Variants in INO80C observed in about 807,000 individuals in gnomAD.
INO80C encodes the protein IES6 homolog.
A neutral mutation model predicts 17.7 loss-of-function variants in INO80C; 17 were observed. That is an observed-to-expected ratio of 0.96 (90% CI 0.66 to 1.44). The LOEUF (loss-of-function observed/expected upper bound fraction) is 1.44, where lower values mean the gene tolerates loss of function less well. Among genes scored for constraint, INO80C ranks in the 40% most tolerant of loss-of-function variants. The pLI is 0.00. For missense variants in INO80C, 244 were observed against 245.0 expected (o/e 1.00, Z 0.03); for synonymous variants, 96 against 95.8 (o/e 1.00, Z -0.01).
chr18:35,497,820 T>G lies in INO80C; in HGVS notation c.55A>C (p.Asn19His). ...ATTSTPGIVRNSKKRPASPSH... is the reference protein window; with the variant it reads ...ATTSTPGIVRHSKKRPASPSH... ...GGGCTGGCCGGCCTCTTCTTGCTGT[T>G]CCGGACTATTCCGGGAGTGGAAGTG... is the stretch of plus-strand genomic sequence containing the variant. The change falls in exon 1 of 5, where the codon AAC becomes CAC. Residue 19 changes from asparagine (N) to histidine (H), a missense_variant. Asn to His is a moderately conservative substitution (Grantham distance 68). Transcript: ENST00000334598. 2 of 1,610,470 alleles carry G rather than the reference T, an allele frequency of 1.2e-6. No homozygotes were observed. Among genetic ancestry groups the G allele is most frequent in the Non-Finnish European group, 1.7e-6 (2 of 1,178,122 alleles).
intron 4 of INO80C, among the ~76,000 whole-genome samples, chr18:35,476,865 C>T (rs2045743387): frequency 6.6e-6 from 1 of 152,016 alleles, no homozygotes. Flanking sequence ...GACTCTACCT[C>T]CAAAAGAAAA....
intron 1 of INO80C, among the ~76,000 whole-genome samples, chr18:35,483,105 AT>A (rs1488883688): frequency 2.6e-5 from 4 of 152,204 alleles, no homozygotes; most frequent in African/African-American, 9.6e-5. Context: ...ATTTTCATTT[AT>A]GCTGTACTAA....
chr18:35,497,305 C>T, intron 1 of INO80C: 1 of 980,496 alleles, frequency 1.0e-6, no homozygotes, highest in Non-Finnish European at 1.2e-6. Context: ...CTTATCAATA[C>T]ATCTTGTATT....
intron 3 of INO80C, 104 bp from the exon 4 acceptor site, chr18:35,478,453 C>T: frequency 1.1e-6 from 1 of 918,306 alleles, no homozygotes; most frequent in Middle Eastern, 3.4e-4. Flanking sequence ...CTGAAAATTT[C>T]CTTTGTGATT....
chr18:35,477,055 C>T (rs930942203), intron 4 of INO80C, among the ~76,000 whole-genome samples: 1 of 152,062 alleles, frequency 6.6e-6, no homozygotes, highest in Non-Finnish European at 1.5e-5. Flanking sequence ...ACCAGCCTGG[C>T]CAACATGGCA....
At chr18:35,488,609 G>T (rs1015195246) in intron 1 of INO80C, among the ~76,000 whole-genome samples, 36 of 152,278 alleles carry the variant, frequency 2.4e-4, no homozygotes, top group Admixed American at 9.8e-4. Flanking sequence ...TAGGCACTGG[G>T]CCTGTGATGG....
In INO80C at chr18:35,468,725, G is replaced by A. The variant is rs1229476016; in HGVS notation, c.465C>T (p.Pro155=). ...VSGLLANYTD[P]QSKLRFSTIE... ...TGGTGCTGAACCGCAGTTTGCTCTGGGGGTCTGTGTAGTTGGCCTGGGTGA... is the reference window on the plus strand; with the variant it reads ...TGGTGCTGAACCGCAGTTTGCTCTGAGGGTCTGTGTAGTTGGCCTGGGTGA... The change falls in exon 5 of 5, where the codon CCC becomes CCT. Residue 155 remains proline (P), a synonymous_variant. Transcript: ENST00000334598. 6.2e-7 allele frequency: 1 copy of A among 1,614,168 alleles called. No individual in the cohort carries two copies. Among genetic ancestry groups the A allele is most frequent in the Non-Finnish European group, 8.5e-7 (1 of 1,180,012 alleles).
chr18:35,497,882 C>T lies in INO80C; in HGVS notation c.-8G>A, dbSNP rs776641201. 2 of 1,552,364 alleles carry T rather than the reference C, an allele frequency of 1.3e-6. No individual in the cohort carries two copies. Among genetic ancestry groups the T allele is most frequent in the Non-Finnish European group, 1.7e-6 (2 of 1,146,768 alleles). On this transcript the variant is annotated 5_prime_UTR_variant, in exon 1 of 5. Coordinates refer to ENST00000334598, the MANE Select transcript of INO80C (RefSeq NM_194281.4). Reference sequence around the variant, plus strand: ...TGGAATTTGCGCCGCCATCGCACTCCGAGTCTTCCCCTGGTCCCCCCACCT... The same window carrying T: ...TGGAATTTGCGCCGCCATCGCACTCTGAGTCTTCCCCTGGTCCCCCCACCT...
intron 1 of INO80C, among the ~76,000 whole-genome samples, chr18:35,488,674 T>C (rs905111825): frequency 5.3e-5 from 8 of 152,246 alleles, no homozygotes; most frequent in African/African-American, 1.7e-4. Context: ...CCCCATTGTC[T>C]TGGTGATTAA....
chr18:35,474,551 G>A (rs531114072), intron 4 of INO80C, among the ~76,000 whole-genome samples: 1 of 151,904 alleles, frequency 6.6e-6, no homozygotes, highest in South Asian at 2.1e-4. Context: ...GCCAGGTGTG[G>A]TGGCACACAC....
At chr18:35,479,042 T>C (rs1034093385) in intron 3 of INO80C, 4 of 320,712 alleles carry the variant, frequency 1.2e-5, no homozygotes, top group East Asian at 5.4e-5. Flanking sequence ...GTTTGTCTAG[T>C]AGAAACACCA....
chr18:35,479,186 C>T (rs1404683306), intron 3 of INO80C, 114 bp downstream of exon 3: 4 of 671,992 alleles, frequency 6.0e-6, no homozygotes, highest in African/African-American at 5.4e-5. Flanking sequence ...ATAAAATTCT[C>T]AAGCTAAAAA....
intron 4 of INO80C, among the ~76,000 whole-genome samples, chr18:35,472,016 G>A (rs1377991859): frequency 6.6e-6 from 1 of 152,104 alleles, no homozygotes; most frequent in Non-Finnish European, 1.5e-5. Context: ...TGGACATTTG[G>A]GTTGGCTCCA....
intron 1 of INO80C, among the ~76,000 whole-genome samples, chr18:35,480,785 CTA>C (rs2045797735): frequency 6.6e-6 from 1 of 152,216 alleles, no homozygotes; most frequent in African/African-American, 2.4e-5. Context: ...CCTCCAACTG[CTA>C]TGTTTCCCGG....
At chr18:35,476,458 TGA>T (rs1225985386) in intron 4 of INO80C, among the ~76,000 whole-genome samples, 3 of 152,212 alleles carry the variant, frequency 2.0e-5, no homozygotes, top group African/African-American at 7.2e-5. Context: ...CAGCAGAAAC[TGA>T]GTTTGGGTTA....
rs765117473 is a variant in INO80C, at chr18:35,497,748, TC to T, written c.126del (p.Ala45ArgfsTer15). The T allele has an allele frequency of 2.9e-5, 47 of 1,612,884 alleles. No homozygotes were observed. Among genetic ancestry groups the T allele is most frequent in the Non-Finnish European group, 3.5e-5 (41 of 1,179,592 alleles). ...GCAAAGCTGGAAGCGGACGCTTTTT[TC>T]TTCTTACTGGCGCCATAGCCCCCGC... ...SSGGGYGASK[K>X]KKASASSFAQ... On this transcript the variant is annotated frameshift_variant, in exon 1 of 5. Transcript: ENST00000334598. LOFTEE classifies it high-confidence loss of function.
At position 35,480,591 on chromosome 18, in the gene INO80C, G is replaced by GA. The variant is rs772919167; in HGVS notation, c.157-29dup. On this transcript the variant is annotated intron_variant, in intron 1 of 4. Coordinates refer to ENST00000334598, the MANE Select transcript of INO80C (RefSeq NM_194281.4). ...TAAAACATAATAAAAATAGTTTGAA[G>GA]AAGTCAGTTTCTTTCAGCTGAGTTC... 3 of 1,544,676 alleles carry GA rather than the reference G, an allele frequency of 1.9e-6. No individual in the cohort carries two copies. The Admixed American group carries it at 5.0e-5, about 26-fold the overall frequency.
chr18:35,471,791 T>C (rs2144025322), intron 4 of INO80C, among the ~76,000 whole-genome samples: 1 of 130,546 alleles, frequency 7.7e-6, no homozygotes, highest in Non-Finnish European at 1.7e-5. Context: ...AGTGTGATGT[T>C]CCCCTTCCTG....
Position 35,480,460 on chromosome 18 carries a change from TTGGGATCCTTAAA to T in INO80C, c.247_259del (p.Phe83ThrfsTer11). On this transcript the variant is annotated frameshift_variant, in exon 2 of 5. Transcript: ENST00000334598. LOFTEE classifies it high-confidence loss of function. ...AATACCTTCGATGCTTACCACAAAG[TTGGGATCCTTAAA>T]TGGCAAAGGTTTGGCAGCTTTTTCC... 1 of 1,608,712 alleles carries T rather than the reference TTGGGATCCTTAAA, an allele frequency of 6.2e-7. No individual in the cohort carries two copies. The highest frequency in any genetic ancestry group is 8.5e-7 in the Non-Finnish European group (1 of 1,174,998).
Sources: gnomAD v4.1 joint callset for allele counts (sites outside exome capture counted in the v4.1 genomes callset) on GRCh38, gnomAD v4.1.1 for gene constraint, MANE v1.5 for transcripts, NCBI Gene and HGNC (gene_info 2026-07-23, HGNC 2026-07-21) for gene names.